SLC1A3: variants seen among roughly 807,000 people sequenced by gnomAD.
SLC1A3 encodes solute carrier family 1 member 3, also known as excitatory amino acid transporter 1.
Under a neutral mutation model 48.1 loss-of-function variants are expected in SLC1A3, and 21 were observed. The observed-to-expected ratio is 0.44, with a 90% CI of 0.31 to 0.63. The LOEUF (loss-of-function observed/expected upper bound fraction) is 0.63. SLC1A3 is among the 20% of genes least tolerant of loss of function. The pLI, the probability that SLC1A3 is intolerant of heterozygous loss-of-function variation, is 0.08. For synonymous variants in SLC1A3, 239 were observed against 251.4 expected (o/e 0.95, Z 0.47); for missense variants, 546 against 689.0 (o/e 0.79, Z 2.32).
chr5:36,662,786 A>G (rs1196536656), intron 3 of SLC1A3, among the ~76,000 whole-genome samples: 3 of 152,180 alleles, frequency 2.0e-5, no homozygotes, highest in South Asian at 4.1e-4. Flanking sequence ...CAAACCACAT[A>G]CTGGGAAGAT....
In SLC1A3 at chr5:36,681,533, A is replaced by AT. The variant is rs1207494520; in HGVS notation, c.1289+952dup. On this transcript the variant is annotated intron_variant, in intron 8 of 9. Transcript: ENST00000265113. ...TTCAAGAATCTGATTTTTGTGGAGA[A>AT]TTTTTTTTAACTATTATATTTGAGG... 4.6e-5 allele frequency among the ~76,000 whole-genome samples: 7 copies of AT among 152,042 alleles called. No individual in the cohort carries two copies. The East Asian group carries it at 1.3e-3, about 29-fold the overall frequency.
At chr5:36,651,055 G>A (rs1334602372) in intron 3 of SLC1A3, among the ~76,000 whole-genome samples, 1 of 143,716 alleles carries the variant, frequency 7.0e-6, no homozygotes, top group Non-Finnish European at 1.5e-5. Flanking sequence ...CAGAACAAAT[G>A]TATTCCTGGT....
intron 4 of SLC1A3, among the ~76,000 whole-genome samples, chr5:36,672,788 A>G (rs949570168): frequency 7.9e-5 from 12 of 152,176 alleles, no homozygotes; most frequent in African/African-American, 2.9e-4. Flanking sequence ...CCACCCTATA[A>G]CATTATTTCA....
chr5:36,666,488 G>C (rs905268743), intron 3 of SLC1A3: 1 of 152,180 alleles, frequency 6.6e-6, no homozygotes, highest in Non-Finnish European at 1.5e-5. Context: ...AGTGGCCCTG[G>C]AAGAACAATG....
rs1412221514 is a variant in SLC1A3 at position 36,687,798 on chromosome 5, C to A, written c.*1529C>A. 1 of 152,582 alleles carries A rather than the reference C, an allele frequency of 6.6e-6. No individual in the cohort carries two copies. The highest frequency in any genetic ancestry group is 2.4e-5 in the African/African-American group (1 of 41,432). The allele number at this position is 152,582 out of a possible 1,614,324, so 9.5% of individuals were successfully genotyped here. A position where few individuals can be genotyped will look rare whatever the true frequency, so the allele number is the denominator to read the frequency against. The stretch of plus-strand genomic sequence containing the variant: ...AAACAGCAGGGGCATTAGTTTCAGG[C>A]AAGGCAGCTCCCAGGTTTAGAGATT... On this transcript the variant is annotated 3_prime_UTR_variant, in exon 10 of 10. Coordinates refer to ENST00000265113, the MANE Select transcript of SLC1A3 (RefSeq NM_004172.5).
At chr5:36,612,047 T>C (rs977543529) in intron 2 of SLC1A3, among the ~76,000 whole-genome samples, 2 of 151,882 alleles carry the variant, frequency 1.3e-5, no homozygotes, top group African/African-American at 4.8e-5. Flanking sequence ...CAGCTTTCTC[T>C]GATGTTGGTC....
rs34107449 is a variant in SLC1A3 at position 36,611,346 on chromosome 5, GTT to G, written c.181+2753_181+2754del. On this transcript the variant is annotated intron_variant, in intron 2 of 9. Coordinates refer to ENST00000265113, the MANE Select transcript of SLC1A3 (RefSeq NM_004172.5). ...CTGGGTTGAATCTTTTGTTTAGACT[GTT>G]TTTTTTTTTTGCCTTTTTGAAATAA... Among the ~76,000 whole-genome samples, 95 of 135,240 alleles carry G rather than the reference GTT, an allele frequency of 7.0e-4. 1 individual carries two copies. Among genetic ancestry groups the G allele is most frequent in the Admixed American group, 2.4e-3 (33 of 13,706 alleles). The allele number at this position is 135,240 out of a possible 152,430, so 88.7% of individuals were successfully genotyped here. A position where few individuals can be genotyped will look rare whatever the true frequency, so the allele number is the denominator to read the frequency against.
chr5:36,665,675 A>T (rs1368689345), intron 3 of SLC1A3, among the ~76,000 whole-genome samples: 2 of 152,120 alleles, frequency 1.3e-5, no homozygotes, highest in Non-Finnish European at 2.9e-5. Context: ...GCCAGTGAAA[A>T]CCCTATGAGG....
At chr5:36,664,180 C>A (rs1201406285) in intron 3 of SLC1A3, among the ~76,000 whole-genome samples, 1 of 152,108 alleles carries the variant, frequency 6.6e-6, no homozygotes, top group Non-Finnish European at 1.5e-5. Flanking sequence ...TTTGCCCAGG[C>A]TGGAGTGCAA....
At chr5:36,618,122 A>G (rs1011613428) in intron 2 of SLC1A3, among the ~76,000 whole-genome samples, 2 of 152,228 alleles carry the variant, frequency 1.3e-5, no homozygotes, top group South Asian at 2.1e-4. Context: ...GGAAAACTGC[A>G]ATTTCAGGAT....
upstream of SLC1A3, among the ~76,000 whole-genome samples, chr5:36,604,087 A>AT (rs34196687): frequency 0.26 from 39,225 of 151,962 alleles, 7,260 homozygotes; most frequent in African/African-American, 0.52. Flanking sequence ...TTATACTGAC[A>AT]TTTTTTCCCA....
intron 2 of SLC1A3, among the ~76,000 whole-genome samples, chr5:36,610,768 T>C (rs1163277766): frequency 1.3e-5 from 2 of 152,200 alleles, no homozygotes; most frequent in African/African-American, 4.8e-5. Flanking sequence ...TTTCCTAAGA[T>C]TTGTGAGAAT....
chr5:36,611,554 A>G (rs1007278299), intron 2 of SLC1A3, among the ~76,000 whole-genome samples: 7 of 152,202 alleles, frequency 4.6e-5, no homozygotes, highest in African/African-American at 1.7e-4. Flanking sequence ...TTTCTAAGCA[A>G]TGTCAAAGTC....
intron 2 of SLC1A3, among the ~76,000 whole-genome samples, chr5:36,616,567 C>G (rs1724939142): frequency 6.6e-6 from 1 of 152,164 alleles, no homozygotes; most frequent in Non-Finnish European, 1.5e-5. Context: ...TGTTTCCAGG[C>G]TACAAACTGC....
At chr5:36,653,234 A>G (rs1407081975) in intron 3 of SLC1A3, among the ~76,000 whole-genome samples, 1 of 152,240 alleles carries the variant, frequency 6.6e-6, no homozygotes, top group East Asian at 1.9e-4. Context: ...CCCCAAGGAA[A>G]TGGTTCATAA....
At position 36,630,886 on chromosome 5, in the gene SLC1A3, T is replaced by C. The variant is rs532532820; in HGVS notation, c.319+1299T>C. Reference sequence around the variant, plus strand: ...CCTGGAGTTGATTTGATGTACTTGTTTGTGAAGCTGGGATGGTCCATTGCT... The same window carrying C: ...CCTGGAGTTGATTTGATGTACTTGTCTGTGAAGCTGGGATGGTCCATTGCT... On this transcript the variant is annotated intron_variant, in intron 3 of 9. Transcript: ENST00000265113. Among the ~76,000 whole-genome samples the C allele has an allele frequency of 8.5e-5, 13 of 152,352 alleles. 1 individual carries two copies. The highest frequency in any genetic ancestry group is 3.1e-4 in the African/African-American group (13 of 41,586).
In SLC1A3 at chr5:36,599,886, A is replaced by G. The variant is rs147646385; in HGVS notation, c.-96+3208A>G. ...AGGCTGGATGGAGTGCAGTGGCGCTATCTAGGCTCACCGCAACCTCCGACT... is the reference window on the plus strand; with the variant it reads ...AGGCTGGATGGAGTGCAGTGGCGCTGTCTAGGCTCACCGCAACCTCCGACT... On this transcript the variant is annotated intron_variant, in intron 1 of 9. Transcript: ENST00000680318. Among the ~76,000 whole-genome samples, 591 of 152,090 alleles carry G rather than the reference A, an allele frequency of 3.9e-3. 2 individuals are homozygous for G. Among genetic ancestry groups the G allele is most frequent in the Non-Finnish European group, 6.5e-3 (440 of 68,002 alleles).
At chr5:36,656,676 T>C (rs1741298891) in intron 3 of SLC1A3, among the ~76,000 whole-genome samples, 2 of 152,206 alleles carry the variant, frequency 1.3e-5, no homozygotes, top group South Asian at 4.1e-4. Flanking sequence ...CTATAGTATG[T>C]TACAAAATTA....
intron 3 of SLC1A3, among the ~76,000 whole-genome samples, chr5:36,650,473 G>A (rs1741015627): frequency 6.6e-6 from 1 of 152,168 alleles, no homozygotes; most frequent in African/African-American, 2.4e-5. Context: ...CAGAGTCTCT[G>A]AATCTGTTAA....
Sources: gnomAD v4.1 joint callset for allele counts (sites outside exome capture counted in the v4.1 genomes callset) on GRCh38, gnomAD v4.1.1 for gene constraint, MANE v1.5 for transcripts, NCBI Gene and HGNC (gene_info 2026-07-23, HGNC 2026-07-21) for gene names.